DGLUCY: variants seen among roughly 807,000 people sequenced by gnomAD.
DGLUCY encodes D-glutamate cyclase, also known as D-glutamate cyclase, mitochondrial.
In DGLUCY, 58 loss-of-function variants were observed where a neutral mutation model predicts 58.5. The ratio of observed to expected loss-of-function variants is 0.99; its 90% confidence interval spans 0.80 to 1.23. DGLUCY has a LOEUF of 1.23. Ranked by LOEUF, DGLUCY falls within the 50% of genes most tolerant of loss-of-function variation. The pLI, the probability that DGLUCY is intolerant of heterozygous loss-of-function variation, is 0.00. For synonymous variants in DGLUCY, 325 were observed against 314.1 expected (o/e 1.03, Z -0.37); for missense variants, 779 against 784.7 (o/e 0.99, Z 0.09).
At chr14:91,223,578 G>A in intron 13 of DGLUCY, 1 of 965,282 alleles carries the variant, frequency 1.0e-6, no homozygotes, top group South Asian at 1.4e-5. Context: ...ACTAGGGACA[G>A]ACACATTAGT....
intron 8 of DGLUCY, among the ~76,000 whole-genome samples, chr14:91,187,250 A>G (rs1165020039): frequency 1.3e-5 from 2 of 152,058 alleles, no homozygotes; most frequent in Admixed American, 1.3e-4. Context: ...CACCCACCTC[A>G]GGCTCCCAAA....
intron 7 of DGLUCY, among the ~76,000 whole-genome samples, chr14:91,178,669 A>G (rs183798871): frequency 1.8e-4 from 27 of 152,316 alleles, no homozygotes; most frequent in African/African-American, 6.3e-4. Flanking sequence ...CCCCTTACAC[A>G]TCAAATCTAA....
At chr14:91,144,899 G>A (rs2046931763) in intron 1 of DGLUCY, among the ~76,000 whole-genome samples, 1 of 152,158 alleles carries the variant, frequency 6.6e-6, no homozygotes, top group Non-Finnish European at 1.5e-5. Flanking sequence ...GAGCATTTGG[G>A]AGGGAGTTGG....
chr14:91,198,697 A>G (rs2050370199), intron 10 of DGLUCY, among the ~76,000 whole-genome samples: 1 of 152,178 alleles, frequency 6.6e-6, no homozygotes, highest in South Asian at 2.1e-4. Flanking sequence ...TAGTAATCAT[A>G]GCAACAATAA....
intron 1 of DGLUCY, chr14:91,148,875 G>A (rs1031990052): frequency 6.6e-6 from 1 of 152,370 alleles, no homozygotes; most frequent in Non-Finnish European, 1.5e-5. Context: ...CTTGATCCCA[G>A]GAGGTCAAGG....
chr14:91,172,317 G>A (rs1166286481), intron 5 of DGLUCY, among the ~76,000 whole-genome samples: 3 of 152,120 alleles, frequency 2.0e-5, no homozygotes, highest in African/African-American at 7.2e-5. Context: ...GGGCTCAAGC[G>A]ATCCAACCTT....
chr14:91,061,130 C>A lies in DGLUCY; in HGVS notation c.-82+426C>A, dbSNP rs188783071. 3.2e-3 allele frequency among the ~76,000 whole-genome samples: 485 copies of A among 152,260 alleles called. 4 individuals carry two copies. Among genetic ancestry groups the A allele is most frequent in the African/African-American group, 0.011 (472 of 41,552 alleles). On this transcript the variant is annotated intron_variant, in intron 1 of 4. Transcript: ENST00000521334. ...CAGAGGAGGGGCCTGGAGGGTAGCG[C>A]TTATCACCCACGTGTTTGCAGACAA...
At chr14:91,101,169 TC>T (rs1213904388) in intron 1 of DGLUCY, among the ~76,000 whole-genome samples, 1 of 152,172 alleles carries the variant, frequency 6.6e-6, no homozygotes, top group Non-Finnish European at 1.5e-5. Flanking sequence ...ATTTGATAGA[TC>T]AGTGGGGTAA....
intron 3 of DGLUCY, among the ~76,000 whole-genome samples, chr14:91,166,969 C>T (rs778833565): frequency 6.6e-6 from 1 of 151,950 alleles, no homozygotes; most frequent in Non-Finnish European, 1.5e-5. Context: ...TATTTTTAGT[C>T]TCTACTAAAA....
At chr14:91,076,967 T>C (rs1207017180) in intron 1 of DGLUCY, among the ~76,000 whole-genome samples, 1 of 152,116 alleles carries the variant, frequency 6.6e-6, no homozygotes, top group African/African-American at 2.4e-5. Flanking sequence ...TCCAGTAGGC[T>C]GGCACAGTTG....
upstream of DGLUCY, among the ~76,000 whole-genome samples, chr14:91,107,460 G>A (rs2044612052): frequency 6.6e-6 from 1 of 152,122 alleles, no homozygotes; most frequent in South Asian, 2.1e-4. Flanking sequence ...AGAGGTTGCA[G>A]TGAGCTGAGA....
chr14:91,069,300 G>C (rs1286395854), intron 1 of DGLUCY, among the ~76,000 whole-genome samples: 2 of 152,182 alleles, frequency 1.3e-5, no homozygotes, highest in Non-Finnish European at 2.9e-5. Context: ...TTTTGGGACG[G>C]AGTCTTGCTC....
At chr14:91,147,138 G>C (rs185201725) in intron 1 of DGLUCY, among the ~76,000 whole-genome samples, 1 of 152,286 alleles carries the variant, frequency 6.6e-6, no homozygotes, top group East Asian at 1.9e-4. Context: ...CCTTTGCCTA[G>C]TGAAGCAATT....
At chr14:91,158,046 C>T (rs539218392) in intron 2 of DGLUCY, among the ~76,000 whole-genome samples, 4 of 152,292 alleles carry the variant, frequency 2.6e-5, no homozygotes, top group African/African-American at 9.6e-5. Flanking sequence ...AGAGGAGTGG[C>T]TGCTATTCCC....
intron 1 of DGLUCY, among the ~76,000 whole-genome samples, chr14:91,100,012 G>A (rs970429326): frequency 7.1e-6 from 1 of 140,588 alleles, no homozygotes; most frequent in Non-Finnish European, 1.5e-5. Context: ...CCAAGATCAC[G>A]CCATTACACT....
intron 1 of DGLUCY, among the ~76,000 whole-genome samples, chr14:91,083,435 T>C (rs560834610): frequency 6.6e-6 from 1 of 151,668 alleles, no homozygotes; most frequent in South Asian, 2.1e-4. Context: ...GGTGGGAGAA[T>C]TGCTGGAACC....
At chr14:91,093,168 A>G (rs2044341324) in intron 1 of DGLUCY, among the ~76,000 whole-genome samples, 1 of 152,150 alleles carries the variant, frequency 6.6e-6, no homozygotes, top group Non-Finnish European at 1.5e-5. Flanking sequence ...ATATGATCAT[A>G]ATGATTGCAT....
At chr14:91,196,938 A>G (rs2050256055) in intron 10 of DGLUCY, among the ~76,000 whole-genome samples, 1 of 151,926 alleles carries the variant, frequency 6.6e-6, no homozygotes, top group African/African-American at 2.4e-5. Flanking sequence ...AAGTGTGTGT[A>G]TTTCTTACTG....
At chr14:91,211,905 A>G (rs1885732364) in intron 12 of DGLUCY, among the ~76,000 whole-genome samples, 1 of 152,134 alleles carries the variant, frequency 6.6e-6, no homozygotes, top group African/African-American at 2.4e-5. Flanking sequence ...GGTTCAAGTG[A>G]TTCTCCTGCC....
Sources: allele counts gnomAD v4.1 joint callset (sites outside exome capture counted in the v4.1 genomes callset), GRCh38; gene constraint gnomAD v4.1.1; transcripts MANE v1.5; gene names NCBI Gene and HGNC (gene_info 2026-07-23, HGNC 2026-07-21).